COPS7B: variants seen among roughly 807,000 people sequenced by gnomAD.
The protein encoded by COPS7B is COP9 signalosome complex subunit 7b.
Under a neutral mutation model 33.4 loss-of-function variants are expected in COPS7B, and 9 were observed. The observed-to-expected ratio is 0.27, with a 90% confidence interval of 0.16 to 0.47. The LOEUF is 0.47. Ranked by LOEUF, COPS7B falls within the 20% of genes least tolerant of loss-of-function variation. COPS7B has a pLI of 0.99. For synonymous variants in COPS7B, 119 were observed against 126.3 expected (o/e 0.94, Z 0.39); for missense variants, 242 against 318.2 (o/e 0.76, Z 1.82).
intron 6 of COPS7B, among the ~76,000 whole-genome samples, chr2:231,800,721 G>A (rs530957153): frequency 1.3e-5 from 2 of 152,328 alleles, no homozygotes; most frequent in Admixed American, 1.3e-4. Context: ...GCCTGGTGCT[G>A]CCAGCAGGTG....
At chr2:231,784,622 G>A (rs1334484803), upstream of COPS7B, among the ~76,000 whole-genome samples, 1 of 152,072 alleles carries the variant, frequency 6.6e-6, no homozygotes, top group African/African-American at 2.4e-5. Context: ...TCTCATATTT[G>A]TCCCTCCTCT....
upstream of COPS7B, among the ~76,000 whole-genome samples, chr2:231,785,827 G>T (rs2049226242): frequency 6.6e-6 from 1 of 152,178 alleles, no homozygotes; most frequent in South Asian, 2.1e-4. Context: ...CTCTATCAAT[G>T]ACATTTTGGT....
intron 4 of COPS7B, among the ~76,000 whole-genome samples, chr2:231,794,728 A>G (rs1311557150): frequency 3.3e-5 from 5 of 152,088 alleles, no homozygotes; most frequent in African/African-American, 1.2e-4. Flanking sequence ...CTGGAGGAAA[A>G]ACTTGCTATG....
upstream of COPS7B, among the ~76,000 whole-genome samples, chr2:231,785,202 C>G (rs2049211319): frequency 1.3e-5 from 2 of 152,202 alleles, no homozygotes; most frequent in African/African-American, 2.4e-5. Context: ...CCTATAGCAC[C>G]TAGCATGATC....
chr2:231,784,728 A>C (rs2049199426), upstream of COPS7B, among the ~76,000 whole-genome samples: 2 of 151,994 alleles, frequency 1.3e-5, no homozygotes, highest in Admixed American at 1.3e-4. Context: ...CTTATATTCA[A>C]CTGGTCACCA....
At chr2:231,787,887 C>T (rs2049296754) in intron 1 of COPS7B, among the ~76,000 whole-genome samples, 1 of 152,122 alleles carries the variant, frequency 6.6e-6, no homozygotes, top group Non-Finnish European at 1.5e-5. Context: ...CAGTATCCTC[C>T]ATTTCTTAAC....
At chr2:231,802,504 G>GA (rs1396323866) in intron 6 of COPS7B, among the ~76,000 whole-genome samples, 3 of 152,212 alleles carry the variant, frequency 2.0e-5, no homozygotes, top group Non-Finnish European at 4.4e-5. Context: ...AATCTTACTT[G>GA]AAAATTTCTG....
chr2:231,786,547 T>A lies in COPS7B; in HGVS notation c.-17+9T>A. On this transcript the variant is annotated intron_variant, in intron 1 of 6. Transcript: ENST00000350033. ...AGAGGTGGCGTGGACAGGTAGGAGC[T>A]AGCGAGAGGGTGGGCCGAGCGGGGC... 1 of 981,758 alleles carries A rather than the reference T, an allele frequency of 1.0e-6. No individual in the cohort carries two copies. The highest frequency in any genetic ancestry group is 1.2e-6 in the Non-Finnish European group (1 of 826,538). 60.8% of individuals were successfully genotyped at this position (981,758 alleles called of 1,614,324 possible).
Position 231,801,048 on chromosome 2 carries a change from T to C in COPS7B, c.636+2084T>C, listed in dbSNP as rs2049730354. The C allele has an allele frequency of 1.0e-5, 10 of 995,336 alleles. No homozygotes were observed. In the East Asian group the frequency reaches 2.6e-4, roughly 26 times the overall value. 61.7% of individuals were successfully genotyped at this position (995,336 alleles called of 1,614,324 possible). A position where few individuals can be genotyped will look rare whatever the true frequency, so the allele number is the denominator to read the frequency against. The stretch of plus-strand genomic sequence containing the variant: ...CAGGGTGATTCTGTCGTATTCTGTT[T>C]GTATTTATGCCTCTGTTACCCTTGG... On this transcript the variant is annotated intron_variant, in intron 6 of 6. Transcript: ENST00000350033.
intron 3 of COPS7B, among the ~76,000 whole-genome samples, chr2:231,793,072 G>A (rs2049464773): frequency 6.6e-6 from 1 of 152,138 alleles, no homozygotes; most frequent in Non-Finnish European, 1.5e-5. Context: ...AGCCAGTCTG[G>A]CTCCACTTCT....
At position 231,794,294 on chromosome 2, in the gene COPS7B, A is replaced by C. The variant is rs750959999; in HGVS notation, c.270A>C (p.Thr90=). The C allele has an allele frequency of 1.2e-6, 2 of 1,614,126 alleles. No homozygotes were observed. The highest frequency in any genetic ancestry group is 1.7e-6 in the Non-Finnish European group (2 of 1,179,974). The change falls in exon 4 of 7, where the codon ACA becomes ACC. Residue 90 remains threonine, a synonymous_variant. Transcript: ENST00000350033. ...AGGAGAGCCTGCCAGAACTGAGCAC[A>C]GCTCAGCAGAACAAGCTGAAGCATC... ...ANKESLPELS[T]AQQNKLKHLT... is the part of the protein sequence containing the mutation.
At chr2:231,784,935 C>T (rs759581405), upstream of COPS7B, among the ~76,000 whole-genome samples, 36 of 152,352 alleles carry the variant, frequency 2.4e-4, no homozygotes, top group Non-Finnish European at 4.3e-4. Context: ...GCCTCAGCCT[C>T]CAGAGTAGCT....
At chr2:231,804,101 A>C (rs566856191) in intron 6 of COPS7B, among the ~76,000 whole-genome samples, 1 of 152,348 alleles carries the variant, frequency 6.6e-6, no homozygotes, top group East Asian at 1.9e-4. Context: ...ACTTTATGCT[A>C]CAAAAACATA....
intron 2 of COPS7B, chr2:231,789,789 T>TG (rs1243748919): frequency 6.6e-6 from 1 of 152,318 alleles, no homozygotes; most frequent in African/African-American, 2.4e-5. Flanking sequence ...CCAAAGGAGT[T>TG]GCCGGCCTTC....
Position 231,796,319 on chromosome 2 carries a change from AAGG to A in COPS7B, c.530+18_530+20del. The A allele has an allele frequency of 6.2e-7, 1 of 1,611,736 alleles. No individual in the cohort carries two copies. Among genetic ancestry groups the A allele is most frequent in the South Asian group, 1.1e-5 (1 of 90,974 alleles). On this transcript the variant is annotated intron_variant, in intron 5 of 6. Coordinates refer to ENST00000350033, the MANE Select transcript of COPS7B (RefSeq NM_022730.4). ...GACCCTGCATGAATGGTGAGGCTAA[AAGG>A]AGGAGGGGGATATCTAGCATGTCTT...
At chr2:231,787,649 T>C (rs2049290544) in intron 1 of COPS7B, among the ~76,000 whole-genome samples, 1 of 152,232 alleles carries the variant, frequency 6.6e-6, no homozygotes, top group African/African-American at 2.4e-5. Flanking sequence ...CAGGGATTTT[T>C]CCCCATGGTC....
At chr2:231,800,972 A>T (rs1455932094) in intron 6 of COPS7B, among the ~76,000 whole-genome samples, 1 of 152,218 alleles carries the variant, frequency 6.6e-6, no homozygotes, top group Non-Finnish European at 1.5e-5. Context: ...CACACAGAAG[A>T]TACTCACCAA....
At chr2:231,806,949 T>G (rs1018045587) in intron 6 of COPS7B, among the ~76,000 whole-genome samples, 2 of 152,244 alleles carry the variant, frequency 1.3e-5, no homozygotes, top group African/African-American at 4.8e-5. Flanking sequence ...CAAGAGCTGC[T>G]TAAGTATTTA....
At chr2:231,798,520 G>A (rs1281771316) in intron 5 of COPS7B, among the ~76,000 whole-genome samples, 1 of 152,136 alleles carries the variant, frequency 6.6e-6, no homozygotes, top group Non-Finnish European at 1.5e-5. Flanking sequence ...CTCTCAAAGA[G>A]CTGGGATTAC....
Sources: allele counts gnomAD v4.1 joint callset (sites outside exome capture counted in the v4.1 genomes callset), GRCh38; gene constraint gnomAD v4.1.1; transcripts MANE v1.5; gene names NCBI Gene and HGNC (gene_info 2026-07-23, HGNC 2026-07-21).